The following NPEPL1 variants were observed in gnomAD, a reference collection of about 807,000 sequenced individuals.
NPEPL1 encodes probable aminopeptidase NPEPL1.
A neutral mutation model predicts 52.4 loss-of-function variants in NPEPL1; 45 were observed. The ratio of observed to expected loss-of-function variants is 0.86; its 90% CI spans 0.68 to 1.10. The LOEUF (loss-of-function observed/expected upper bound fraction) is 1.10, where lower values mean the gene tolerates loss of function less well. Among genes scored for constraint, NPEPL1 ranks in the 50% least tolerant of loss-of-function variants. NPEPL1 has a pLI of 0.00. For synonymous variants in NPEPL1, 360 were observed against 314.7 expected, an observed-to-expected ratio of 1.14 and a Z score of -1.52; for missense variants, 696 against 710.9, an observed-to-expected ratio of 0.98 and a Z score of 0.24.
intron 3 of NPEPL1, among the ~76,000 whole-genome samples, chr20:58,695,053 C>T (rs796628435): frequency 7.7e-4 from 11 of 14,348 alleles, no homozygotes; most frequent in South Asian, 1.8e-3. Context: ...TGTATGTTTG[C>T]TGGTGTGTGC....
At position 58,700,999 on chromosome 20, in the gene NPEPL1, C is replaced by A. The variant is rs749354566; in HGVS notation, c.680-17C>A. The A allele has an allele frequency of 4.5e-6, 7 of 1,553,678 alleles. No individual in the cohort carries two copies. The African/African-American group carries it at 8.2e-5, about 18-fold the overall frequency. ...CTCAGCCCGAGCCTAACCCAGTTCT[C>A]CCCACGCTTTCCATAGGAATCTATG... On this transcript the variant is annotated splice_polypyrimidine_tract_variant and intron_variant, in intron 5 of 11. Coordinates refer to ENST00000356091, the MANE Select transcript of NPEPL1 (RefSeq NM_024663.4).
intron 6 of NPEPL1, among the ~76,000 whole-genome samples, chr20:58,702,512 C>T (rs2084651145): frequency 6.6e-6 from 1 of 152,274 alleles, no homozygotes; most frequent in African/African-American, 2.4e-5. Context: ...CAGAAAATGA[C>T]ACTAATCATA....
chr20:58,696,132 A>T (rs2123091645), intron 3 of NPEPL1, among the ~76,000 whole-genome samples: 1 of 152,146 alleles, frequency 6.6e-6, no homozygotes, highest in South Asian at 2.1e-4. Context: ...CTCAAGCATC[A>T]CCCTTATTTC....
intron 8 of NPEPL1, 177 bp downstream of exon 8, chr20:58,712,756 G>A (rs751334358): frequency 2.9e-5 from 20 of 689,034 alleles, no homozygotes; most frequent in South Asian, 6.0e-5. Flanking sequence ...CGCACCTCAC[G>A]TTGAGGGGCC....
intron 4 of NPEPL1, 34 bp downstream of exon 4, chr20:58,698,807 G>A (rs759347748): frequency 6.3e-7 from 1 of 1,578,718 alleles, no homozygotes; most frequent in South Asian, 1.1e-5. Context: ...GGTGGGACCA[G>A]GCTGGGGTGG....
upstream of NPEPL1, chr20:58,691,223 A>G (rs1171429502): frequency 1.4e-6 from 1 of 702,354 alleles, no homozygotes. Flanking sequence ...ATCTTCATAC[A>G]CACTGTTAGT....
intron 6 of NPEPL1, chr20:58,705,363 A>G (rs2123123779): frequency 2.4e-6 from 1 of 416,848 alleles, no homozygotes; most frequent in East Asian, 7.2e-5. Flanking sequence ...CCCGTCAGCA[A>G]CAGCAGGAGT....
rs756896708 is a variant in NPEPL1, at chr20:58,693,795, A to G, written c.209A>G (p.Tyr70Cys). ...NPNPTDSCPL[Y>C]LNYATVAALP... ...AACCCCACGGACAGCTGTCCCCTCT[A>G]CCTGAACTACGCCACCGTGGCTGCC... Residue 70 changes from tyrosine to cysteine, a missense_variant, in exon 2 of 12, where the codon TAC (tyrosine) becomes TGC (cysteine). Transcript: ENST00000356091. The G allele has an allele frequency of 1.2e-5, 19 of 1,613,382 alleles. No homozygotes were observed. Among genetic ancestry groups the G allele is most frequent in the Admixed American group, 1.7e-5 (1 of 59,994 alleles).
Position 58,714,661 on chromosome 20 carries a change from G to C in NPEPL1, c.1404G>C (p.Pro468=). Residue 468 remains proline, a synonymous_variant, in exon 11 of 12, where the codon CCG becomes CCC. Coordinates refer to ENST00000356091, the MANE Select transcript of NPEPL1 (RefSeq NM_024663.4). ...GVWVHLDIAA[P]VHAGERATGF... ...GGGTCCACCTGGACATTGCTGCACC[G>C]GTGCATGCTGTGAGTGTCTCCCCTC... 1 of 1,589,350 alleles carries C rather than the reference G, an allele frequency of 6.3e-7. No homozygotes were observed. Among genetic ancestry groups the C allele is most frequent in the Non-Finnish European group, 8.5e-7 (1 of 1,169,754 alleles).
intron 7 of NPEPL1, chr20:58,710,703 T>A (rs1487751629): frequency 2.6e-5 from 4 of 152,470 alleles, no homozygotes; most frequent in Non-Finnish European, 4.4e-5. Context: ...GTGTGAACAT[T>A]GACAGCTCCA....
In NPEPL1 at chr20:58,698,734, C is replaced by T. The variant is rs1189087048; in HGVS notation, c.558C>T (p.Asp186=). 1 of 1,613,006 alleles carries T rather than the reference C, an allele frequency of 6.2e-7. No individual in the cohort carries two copies. The highest frequency in any genetic ancestry group is 1.1e-5 in the South Asian group (1 of 91,086). Residue 186 remains aspartate (D), a synonymous_variant, in exon 4 of 12, where the codon GAC becomes GAT. Coordinates refer to ENST00000356091, the MANE Select transcript of NPEPL1 (RefSeq NM_024663.4). ...DGVRLAARIV[D]TPCNEMNTDT... Reference sequence around the variant, plus strand: ...TGCGGCTAGCAGCCCGCATCGTGGACACACCCTGCAATGAGATGAACACCG... The same window carrying T: ...TGCGGCTAGCAGCCCGCATCGTGGATACACCCTGCAATGAGATGAACACCG...
Position 58,713,628 on chromosome 20 carries a change from G to C in NPEPL1, c.1125+85G>C. On this transcript the variant is annotated intron_variant, in intron 9 of 11. Transcript: ENST00000356091. This position sits in a 1 kb window ranked among gnomAD's most constrained non-coding sequence, Gnocchi z 4.6. ...GACCTCAAGGTGGGGAAGGCAGCGC[G>C]TGGGGGCTGCCGTCAGGAAGTTTTC... 1 of 1,439,504 alleles carries C rather than the reference G, an allele frequency of 6.9e-7. No homozygotes were observed. 89.2% of individuals were successfully genotyped at this position (1,439,504 alleles called of 1,614,324 possible). A position where few individuals can be genotyped will look rare whatever the true frequency, so the allele number is the denominator to read the frequency against.
intron 1 of NPEPL1, chr20:58,693,313 CG>C (rs528596459): frequency 1.3e-4 from 22 of 164,844 alleles, no homozygotes; most frequent in South Asian, 3.9e-4. Context: ...CTGCGGACGG[CG>C]GGGGGGGAGA....
rs41310841 is a variant in NPEPL1 at position 58,707,134 on chromosome 20, G to T, written c.834G>T (p.Pro278=). Residue 278 remains proline, a synonymous_variant, in exon 7 of 12, where the codon CCG becomes CCT. Transcript: ENST00000356091. The part of the protein sequence containing the change: ...GLSIKGKTTM[P]GMKRDCGGAA... ...TGTACCACCCGCAGACTACCATGCCGGGGATGAAGCGAGACTGCGGGGGTG... is the reference window on the plus strand; with the variant it reads ...TGTACCACCCGCAGACTACCATGCCTGGGATGAAGCGAGACTGCGGGGGTG... The T allele has an allele frequency of 1.3e-6, 2 of 1,552,160 alleles. No individual in the cohort carries two copies.
At chr20:58,691,440 A>C, upstream of NPEPL1, 2 of 685,658 alleles carry the variant, frequency 2.9e-6, no homozygotes, top group Non-Finnish European at 5.2e-6. Context: ...GGAAAAAAAA[A>C]CAACAAAAAG....
Position 58,698,686 on chromosome 20 carries a change from C to T in NPEPL1, c.510C>T (p.Cys170=), listed in dbSNP as rs1386362610. 4 of 1,612,450 alleles carry T rather than the reference C, an allele frequency of 2.5e-6. No individual in the cohort carries two copies. The highest frequency in any genetic ancestry group is 3.4e-6 in the Non-Finnish European group (4 of 1,179,712). The change falls in exon 4 of 12, where the codon TGC becomes TGT. Residue 170 remains cysteine (C), a splice_region_variant and synonymous_variant. Transcript: ENST00000356091. ...AGTGATGGCCTTTTTCTCCCTAGTGCTTAGCGAATGCCACAGACGGCGTGC... is the reference window on the plus strand; with the variant it reads ...AGTGATGGCCTTTTTCTCCCTAGTGTTTAGCGAATGCCACAGACGGCGTGC... ...NGPVEVSTLQ[C]LANATDGVRL...
chr20:58,695,049 T>TGTGCATGAGTGGCGTGTGTGTGGTGTGTG (rs2084442007), intron 3 of NPEPL1, among the ~76,000 whole-genome samples: 11 of 5,324 alleles, frequency 2.1e-3, no homozygotes, highest in Admixed American at 4.1e-3. Flanking sequence ...GCTGTGTATG[T>TGTGCATGAGTGGCGTGTGTGTGGTGTGTG]TTGCTGGTGT....
intron 6 of NPEPL1, among the ~76,000 whole-genome samples, chr20:58,701,631 CCAGGGAGG>C (rs1432072756): frequency 1.3e-5 from 2 of 152,100 alleles, no homozygotes; most frequent in African/African-American, 4.8e-5. Flanking sequence ...GCAAGCAGGG[CCAGGGAGG>C]CAGGGCTTGC....
At chr20:58,704,030 G>A (rs567559694) in intron 6 of NPEPL1, 299 of 985,394 alleles carry the variant, frequency 3.0e-4, no homozygotes, top group Middle Eastern at 5.2e-4. Context: ...ACCGTTCTAC[G>A]TGGATTTGGG....
Sources: allele counts gnomAD v4.1 joint callset (sites outside exome capture counted in the v4.1 genomes callset), GRCh38; gene constraint gnomAD v4.1.1; non-coding constraint Gnocchi (gnomAD v3.1); transcripts MANE v1.5; gene names NCBI Gene and HGNC (gene_info 2026-07-23, HGNC 2026-07-21).